Variants in NAALADL2 observed in about 807,000 individuals in gnomAD.
NAALADL2 encodes the protein inactive N-acetylated-alpha-linked acidic dipeptidase-like protein 2.
In NAALADL2, 76 loss-of-function variants were observed where a neutral mutation model predicts 87.2. The ratio of observed to expected loss-of-function variants is 0.87; its 90% CI spans 0.72 to 1.05. NAALADL2 has a LOEUF of 1.05. Ranked by LOEUF, NAALADL2 falls within the 50% of genes least tolerant of loss-of-function variation. The pLI, the probability that NAALADL2 is intolerant of heterozygous loss-of-function variation, is 0.00. For synonymous variants in NAALADL2, 354 were observed against 331.0 expected, an observed-to-expected ratio of 1.07 and a Z score of -0.75; for missense variants, 1,089 against 945.8, an observed-to-expected ratio of 1.15 and a Z score of -1.99.
intron 6 of NAALADL2, among the ~76,000 whole-genome samples, chr3:175,449,966 TA>T (rs1348977919): frequency 6.6e-6 from 1 of 152,228 alleles, no homozygotes; most frequent in East Asian, 1.9e-4. Flanking sequence ...TTTCATGTTA[TA>T]ATGAGTTATT....
intron 2 of NAALADL2, among the ~76,000 whole-genome samples, chr3:175,184,786 C>T (rs9290543): frequency 0.038 from 5,789 of 152,046 alleles, 265 homozygotes; most frequent in African/African-American, 0.11. Flanking sequence ...GGCAAGTTAC[C>T]GAACCTCTGA....
At chr3:174,991,770 TTA>T (rs1196087472) in intron 1 of NAALADL2, among the ~76,000 whole-genome samples, 1 of 152,142 alleles carries the variant, frequency 6.6e-6, no homozygotes, top group Non-Finnish European at 1.5e-5. Flanking sequence ...ACTATTAGTA[TTA>T]TGTTTGAAAA....
chr3:174,948,259 T>C (rs1677625199), intron 1 of NAALADL2, among the ~76,000 whole-genome samples: 1 of 152,060 alleles, frequency 6.6e-6, no homozygotes, highest in Admixed American at 6.5e-5. Flanking sequence ...TCACTGCAAC[T>C]TCCACCTCCC....
At chr3:174,799,542 C>G (rs749954099) in intron 3 of NAALADL2, among the ~76,000 whole-genome samples, 7 of 152,164 alleles carry the variant, frequency 4.6e-5, no homozygotes, top group Non-Finnish European at 8.8e-5. Context: ...GACTGTGAAG[C>G]TTAAAAAGCC....
intron 1 of NAALADL2, among the ~76,000 whole-genome samples, chr3:174,880,661 C>T (rs1208211919): frequency 6.6e-6 from 1 of 152,072 alleles, no homozygotes; most frequent in Non-Finnish European, 1.5e-5. Context: ...TTATCCTTCT[C>T]ATAGGTCTGC....
chr3:174,712,710 T>C (rs1448753734), intron 2 of NAALADL2, among the ~76,000 whole-genome samples: 2 of 152,172 alleles, frequency 1.3e-5, no homozygotes, highest in Non-Finnish European at 2.9e-5. Flanking sequence ...AACCCAGCAG[T>C]ATTTCATGTA....
intron 13 of NAALADL2, among the ~76,000 whole-genome samples, chr3:175,790,188 TATCA>T (rs1181034290): frequency 1.3e-5 from 2 of 152,006 alleles, no homozygotes; most frequent in Admixed American, 6.6e-5. Flanking sequence ...TATGCATTAC[TATCA>T]ATCAATAAAA....
At chr3:174,511,397 T>C (rs1303315771) in intron 1 of NAALADL2, among the ~76,000 whole-genome samples, 1 of 152,078 alleles carries the variant, frequency 6.6e-6, no homozygotes, top group Non-Finnish European at 1.5e-5. Context: ...TTGACCCCTT[T>C]ATCACTGTGT....
intron 1 of NAALADL2, among the ~76,000 whole-genome samples, chr3:175,002,107 C>T (rs1748315132): frequency 6.6e-6 from 1 of 152,108 alleles, no homozygotes; most frequent in Non-Finnish European, 1.5e-5. Context: ...GACCTATGTG[C>T]ATTGCCCATT....
chr3:174,497,079 C>T (rs1029833042), intron 1 of NAALADL2, among the ~76,000 whole-genome samples: 134 of 152,190 alleles, frequency 8.8e-4, no homozygotes, highest in African/African-American at 2.9e-3. Context: ...TAGCATTTGC[C>T]CATCAGTTAT....
At chr3:175,222,757 GAT>G (rs983654774) in intron 2 of NAALADL2, among the ~76,000 whole-genome samples, 2 of 151,998 alleles carry the variant, frequency 1.3e-5, no homozygotes, top group East Asian at 1.9e-4. Flanking sequence ...ATTATAAAAA[GAT>G]ATTAATTTAT....
At chr3:175,224,230 A>C (rs1743830821) in intron 2 of NAALADL2, among the ~76,000 whole-genome samples, 1 of 152,060 alleles carries the variant, frequency 6.6e-6, no homozygotes, top group African/African-American at 2.4e-5. Flanking sequence ...TATTGATTAG[A>C]TGTTCTTATG....
At chr3:175,459,446 A>T (rs1178462473) in intron 6 of NAALADL2, among the ~76,000 whole-genome samples, 1 of 152,048 alleles carries the variant, frequency 6.6e-6, no homozygotes, top group African/African-American at 2.4e-5. Flanking sequence ...ATACAAAAGT[A>T]CGAGTAAAAT....
In NAALADL2 at chr3:175,543,270, G is replaced by T. The variant is rs1025484376; in HGVS notation, c.1654-32771G>T. Among the ~76,000 whole-genome samples the T allele has an allele frequency of 1.3e-4, 20 of 152,044 alleles. No individual in the cohort carries two copies. The South Asian group carries it at 1.4e-3, about 11-fold the overall frequency. ...CAGAAGACTAACCAAGACACCACAA[G>T]AATGTCTTGTAGGTCAGTAAAATTA... On this transcript the variant is annotated intron_variant, in intron 9 of 13. Coordinates refer to ENST00000454872, the MANE Select transcript of NAALADL2 (RefSeq NM_207015.3).
intron 5 of NAALADL2, among the ~76,000 whole-genome samples, chr3:175,361,399 G>C (rs1764993375): frequency 6.8e-6 from 1 of 148,138 alleles, no homozygotes; most frequent in South Asian, 2.2e-4. Flanking sequence ...GGATTGGTGG[G>C]TCAAATGGTA....
At chr3:175,537,171 A>C (rs973557317) in intron 9 of NAALADL2, among the ~76,000 whole-genome samples, 2 of 152,228 alleles carry the variant, frequency 1.3e-5, no homozygotes, top group Non-Finnish European at 2.9e-5. Flanking sequence ...AAGGATATAA[A>C]GGTTGTTGGC....
At chr3:175,135,067 T>C (rs35225898) in intron 2 of NAALADL2, among the ~76,000 whole-genome samples, 17,760 of 152,166 alleles carry the variant, frequency 0.12, 1,149 homozygotes, top group Middle Eastern at 0.17. Context: ...CTATAGCTCT[T>C]TATTAACAAA....
At chr3:175,323,090 A>G (rs1760138158) in intron 4 of NAALADL2, among the ~76,000 whole-genome samples, 1 of 147,338 alleles carries the variant, frequency 6.8e-6, no homozygotes, top group South Asian at 2.2e-4. Flanking sequence ...AACCAACCCA[A>G]ATGTCCAACA....
chr3:175,101,900 G>T (rs1262446765), intron 2 of NAALADL2, among the ~76,000 whole-genome samples: 1 of 151,804 alleles, frequency 6.6e-6, no homozygotes, highest in African/African-American at 2.4e-5. Context: ...CTAATTATAA[G>T]TGCAATATGT....
Sources: gnomAD v4.1 joint callset for allele counts (sites outside exome capture counted in the v4.1 genomes callset) on GRCh38, gnomAD v4.1.1 for gene constraint, MANE v1.5 for transcripts, NCBI Gene and HGNC (gene_info 2026-07-23, HGNC 2026-07-21) for gene names.